SRRM2: variants seen among roughly 807,000 people sequenced by gnomAD.
SRRM2 encodes serine/arginine repetitive matrix protein 2.
In SRRM2, 30 loss-of-function variants were observed where a neutral mutation model predicts 213.8. The observed-to-expected ratio is 0.14, with a 90% confidence interval of 0.10 to 0.19. The LOEUF is 0.19. Ranked by LOEUF, SRRM2 falls within the 10% of genes least tolerant of loss-of-function variation. The pLI is 1.00. For missense variants in SRRM2, 4,904 were observed against 3,647.0 expected (o/e 1.34, Z -8.88); for synonymous variants, 2,025 against 1,377.7 (o/e 1.47, Z -10.40).
chr16:2,758,633 C>A, intron 5 of SRRM2, 86 bp downstream of exon 5: 1 of 1,338,326 alleles, frequency 7.5e-7, no homozygotes, highest in Non-Finnish European at 1.1e-6. Flanking sequence ...GTTCTGGCTT[C>A]CACAAAGCAG....
intron 1 of SRRM2, chr16:2,753,660 T>G (rs1158975020): frequency 6.6e-6 from 1 of 152,194 alleles, no homozygotes; most frequent in Non-Finnish European, 1.5e-5. Context: ...GTTTCAGGCG[T>G]TCTTTGGCAC....
At chr16:2,770,172 C>T in intron 12 of SRRM2, 180 bp from the exon 13 acceptor site, 1 of 1,441,268 alleles carries the variant, frequency 6.9e-7, no homozygotes, top group Non-Finnish European at 9.1e-7. Flanking sequence ...CCTGTGCCTG[C>T]CCACTGGGCA....
rs758626091 is a variant in SRRM2 at position 2,764,551 on chromosome 16, A to C, written c.4023A>C (p.Thr1341=). The C allele has an allele frequency of 2.5e-6, 4 of 1,614,276 alleles. No homozygotes were observed. In the East Asian group the frequency reaches 6.7e-5, roughly 27 times the overall value. The change falls in exon 11 of 15, where the codon ACA becomes ACC. Residue 1341 remains threonine, a synonymous_variant. Coordinates refer to ENST00000301740, the MANE Select transcript of SRRM2 (RefSeq NM_016333.4). ...TTAGAAACTCAGGCCCACTTGGTACAGAAATGAATACTGGATTTTCTTCTG... is the reference window on the plus strand; with the variant it reads ...TTAGAAACTCAGGCCCACTTGGTACCGAAATGAATACTGGATTTTCTTCTG... ...LEFRNSGPLG[T]EMNTGFSSEV...
Position 2,770,399 on chromosome 16 carries a change from C to T in SRRM2, c.8069C>T (p.Ser2690Phe), listed in dbSNP as rs1328708893. The T allele has an allele frequency of 1.2e-6, 2 of 1,610,044 alleles. No homozygotes were observed. Among genetic ancestry groups the T allele is most frequent in the Non-Finnish European group, 1.7e-6 (2 of 1,178,316 alleles). The change falls in exon 13 of 15, where the codon TCC becomes TTC. Residue 2690 changes from serine (S) to phenylalanine (F), a missense_variant. Ser to Phe is a radical substitution (Grantham distance 155). Transcript: ENST00000301740. ...ATAGACTCCCTCAGGGACTCTCGGT[C>T]CCTCAGCTACTCGCCTGTGGAGCGT... ...KPIDSLRDSR[S>F]LSYSPVERRR... is the part of the protein sequence containing the mutation.
rs1371755770 is a variant in SRRM2, at chr16:2,764,156, C to T, written c.3628C>T (p.Pro1210Ser). 6.2e-7 allele frequency: 1 copy of T among 1,614,102 alleles called. No individual in the cohort carries two copies. Residue 1210 changes from proline (P) to serine (S), a missense_variant, in exon 11 of 15, where the codon CCA becomes TCA. Physicochemically the swap from Pro to Ser is moderately conservative, Grantham distance 74 (BLOSUM62 -1). Coordinates refer to ENST00000301740, the MANE Select transcript of SRRM2 (RefSeq NM_016333.4). ...LVFKDTLRTP[P>S]RERSGAGSSP... Reference sequence around the variant, plus strand: ...ATTCAAAGACACACTTAGAACCCCGCCAAGGGAAAGAAGTGGTGCTGGGTC... The same window carrying T: ...ATTCAAAGACACACTTAGAACCCCGTCAAGGGAAAGAAGTGGTGCTGGGTC...
At chr16:2,754,875 C>G (rs535694586) in intron 1 of SRRM2, among the ~76,000 whole-genome samples, 2 of 152,226 alleles carry the variant, frequency 1.3e-5, no homozygotes, top group African/African-American at 4.8e-5. Context: ...GGTTTAGCCT[C>G]TTCTGTCACC....
intron 4 of SRRM2, 96 bp from the exon 5 acceptor site, chr16:2,758,374 T>C: frequency 2.6e-6 from 3 of 1,157,298 alleles, no homozygotes; most frequent in African/African-American, 1.5e-5. Context: ...CTTATTTTTT[T>C]ATTTTTATTA....
intron 11 of SRRM2, 200 bp downstream of exon 11, chr16:2,768,461 GGTTC>G: frequency 1.5e-6 from 1 of 675,044 alleles, no homozygotes; most frequent in Non-Finnish European, 2.6e-6. Flanking sequence ...AGTCTCCGAA[GGTTC>G]ATTCTCTAGA....
At chr16:2,757,387 C>A in intron 2 of SRRM2, 85 bp from the exon 3 acceptor site, 1 of 1,232,622 alleles carries the variant, frequency 8.1e-7, no homozygotes, top group Middle Eastern at 2.0e-4. Flanking sequence ...GAGGGAGGGG[C>A]CCCTTTTGGG....
At position 2,762,814 on chromosome 16, in the gene SRRM2, C is replaced by A. The variant is rs758899562; in HGVS notation, c.2286C>A (p.Leu762=). 1 of 1,614,210 alleles carries A rather than the reference C, an allele frequency of 6.2e-7. No homozygotes were observed. The highest frequency in any genetic ancestry group is 8.5e-7 in the Non-Finnish European group (1 of 1,180,034). ...TTTCTTCAAGGCGGAGCAGGTCTCTCTCTTCACCACGGTCCAAAGCAAAAT... is the reference window on the plus strand; with the variant it reads ...TTTCTTCAAGGCGGAGCAGGTCTCTATCTTCACCACGGTCCAAAGCAAAAT... The part of the protein sequence containing the change: ...SRISSRRSRS[L]SSPRSKAKSR... Residue 762 remains leucine, a synonymous_variant, in exon 11 of 15, where the codon CTC becomes CTA. Transcript: ENST00000301740.
At chr16:2,768,401 A>G in intron 11 of SRRM2, 140 bp downstream of exon 11, 1 of 949,952 alleles carries the variant, frequency 1.1e-6, no homozygotes, top group Non-Finnish European at 1.5e-6. Context: ...CTGGGGGTAG[A>G]AGAGAATGCT....
chr16:2,759,714 T>C lies in SRRM2; in HGVS notation c.833+53T>C. The C allele has an allele frequency of 2.1e-5, 33 of 1,539,416 alleles. No homozygotes were observed. The South Asian group carries it at 3.7e-4, about 17-fold the overall frequency. On this transcript the variant is annotated intron_variant, in intron 9 of 14. Coordinates refer to ENST00000301740, the MANE Select transcript of SRRM2 (RefSeq NM_016333.4). ...GGAGAGGGAATGATGGGTTAATTAA[T>C]TTAATATTTATTGAGCGCCCACGGT...
In SRRM2 at chr16:2,769,243, C is replaced by T; in HGVS notation, c.7980C>T (p.Pro2660=). 6.3e-7 allele frequency: 1 copy of T among 1,578,676 alleles called. No homozygotes were observed. The highest frequency in any genetic ancestry group is 8.6e-7 in the Non-Finnish European group (1 of 1,161,636). The change falls in exon 12 of 15, where the codon CCC becomes CCT. Residue 2660 remains proline, a synonymous_variant. Transcript: ENST00000301740. ...CTAAGCCTGGCCCTCAGGCCTTGCC[C>T]AAACCTGCAAGCCCCAAGAAGCCAC... The part of the protein sequence containing the change: ...SPAKPGPQAL[P]KPASPKKPPP...
chr16:2,760,638 C>G (rs2068310242), intron 10 of SRRM2, 139 bp downstream of exon 10: 7 of 899,168 alleles, frequency 7.8e-6, no homozygotes, highest in South Asian at 7.0e-5. Flanking sequence ...TCCTAGTTCT[C>G]TTACTGCATC....
At position 2,767,985 on chromosome 16, in the gene SRRM2, C is replaced by T. The variant is rs1416645439; in HGVS notation, c.7457C>T (p.Ser2486Phe). 19 of 1,614,200 alleles carry T rather than the reference C, an allele frequency of 1.2e-5. No individual in the cohort carries two copies. Among genetic ancestry groups the T allele is most frequent in the African/African-American group, 1.3e-5 (1 of 75,036 alleles). The change falls in exon 11 of 15, where the codon TCT becomes TTT. Residue 2486 changes from serine to phenylalanine, a missense_variant. By Grantham distance (155) the Ser-to-Phe change is radical. Transcript: ENST00000301740. ...SSGAVATTTS[S>F]AGDHNGMLSV... ...GGGGCAGTGGCAACGACCACGTCCT[C>T]TGCTGGTGATCACAATGGCATGCTC... is the stretch of plus-strand genomic sequence containing the variant.
Position 2,757,829 on chromosome 16 carries a change from A to T in SRRM2, c.399A>T (p.Glu133Asp), listed in dbSNP as rs766985202. ...QLAELNEKKN[E>D]RLRAAFGISD... ...CAGAATTAAATGAGAAGAAGAATGA[A>T]AGACTCCGTGCTGCCTTTGGCATCA... is the stretch of plus-strand genomic sequence containing the variant. The change falls in exon 4 of 15, where the codon GAA becomes GAT. Residue 133 changes from glutamate (E) to aspartate (D), a missense_variant. Glu to Asp is a conservative substitution (Grantham distance 45). Transcript: ENST00000301740. 1.2e-6 allele frequency: 2 copies of T among 1,614,042 alleles called. No homozygotes were observed. The highest frequency in any genetic ancestry group is 1.7e-6 in the Non-Finnish European group (2 of 1,179,968).
intron 1 of SRRM2, among the ~76,000 whole-genome samples, chr16:2,753,857 C>A (rs1318873028): frequency 1.3e-5 from 2 of 152,196 alleles, no homozygotes; most frequent in African/African-American, 4.8e-5. Context: ...GCTGAGCTGG[C>A]TGTGCTTGCT....
rs763332710 is a variant in SRRM2, at chr16:2,767,556, C to G, written c.7028C>G (p.Ser2343Cys). 1.9e-6 allele frequency: 3 copies of G among 1,614,232 alleles called. No individual in the cohort carries two copies. The highest frequency in any genetic ancestry group is 4.5e-5 in the East Asian group (2 of 44,892). Residue 2343 changes from serine to cysteine, a missense_variant, in exon 11 of 15, where the codon TCT becomes TGT. Transcript: ENST00000301740. ...TCTGCAAACCTGGTGGGTCCTCGGT[C>G]TGCACATGCCACAGCTCCTGTGAAT... ...PASANLVGPRSAHATAPVNIA... is the reference protein window; with the variant it reads ...PASANLVGPRCAHATAPVNIA...
chr16:2,759,849 T>G, intron 9 of SRRM2, 188 bp downstream of exon 9: 8 of 583,362 alleles, frequency 1.4e-5, no homozygotes, highest in Non-Finnish European at 2.4e-5. Flanking sequence ...TCTCTTTTTT[T>G]TTTTGTTTTT....
Sources: gnomAD v4.1 joint callset for allele counts (sites outside exome capture counted in the v4.1 genomes callset) on GRCh38, gnomAD v4.1.1 for gene constraint, MANE v1.5 for transcripts, NCBI Gene and HGNC (gene_info 2026-07-23, HGNC 2026-07-21) for gene names.